The following DNER variants were observed in gnomAD, a reference collection of about 807,000 sequenced individuals.
DNER encodes delta/notch like EGF repeat containing.
A neutral mutation model predicts 78.2 loss-of-function variants in DNER; 33 were observed. The observed-to-expected ratio is 0.42, with a 90% CI of 0.32 to 0.56. DNER has a LOEUF of 0.56. Ranked by LOEUF, DNER falls within the 20% of genes least tolerant of loss-of-function variation. The probability of loss-of-function intolerance (pLI) is 0.11; values close to 1 mark genes in which losing one functional copy is unlikely to be tolerated. For missense variants in DNER, 918 were observed against 975.3 expected (o/e 0.94, Z 0.78); for synonymous variants, 417 against 384.8 (o/e 1.08, Z -0.98).
intron 6 of DNER, among the ~76,000 whole-genome samples, chr2:229,495,385 G>A (rs142056992): frequency 1.3e-5 from 2 of 152,302 alleles, no homozygotes; most frequent in East Asian, 1.9e-4. Context: ...CAGCAAGCTG[G>A]AGACTAAGGA....
At chr2:229,387,139 T>C (rs372725427) in intron 11 of DNER, among the ~76,000 whole-genome samples, 30 of 152,198 alleles carry the variant, frequency 2.0e-4, no homozygotes, top group African/African-American at 6.3e-4. Context: ...TGGAATACTA[T>C]GCAGCCATAA....
chr2:229,558,326 A>G (rs1696891706), intron 4 of DNER, among the ~76,000 whole-genome samples: 1 of 151,954 alleles, frequency 6.6e-6, no homozygotes, highest in South Asian at 2.1e-4. Flanking sequence ...ATAGACCCCC[A>G]TAACCCAAGT....
chr2:229,510,744 T>C (rs140103217), intron 6 of DNER, among the ~76,000 whole-genome samples: 1,806 of 152,248 alleles, frequency 0.012, 21 homozygotes, highest in Middle Eastern at 0.044. Context: ...AGATGCCATG[T>C]AGGCTGTCAA....
intron 7 of DNER, among the ~76,000 whole-genome samples, chr2:229,468,727 CT>C (rs1694858476): frequency 6.6e-6 from 1 of 152,200 alleles, no homozygotes; most frequent in Non-Finnish European, 1.5e-5. Flanking sequence ...TGCAATTCCC[CT>C]GTCTTGATAA....
intron 7 of DNER, among the ~76,000 whole-genome samples, chr2:229,469,212 T>A (rs941742802): frequency 6.6e-6 from 1 of 152,136 alleles, no homozygotes; most frequent in Admixed American, 6.5e-5. Flanking sequence ...CAGAGCCCCA[T>A]GAGGGACAGC....
chr2:229,510,642 G>C (rs1440989579), intron 6 of DNER, among the ~76,000 whole-genome samples: 3 of 152,196 alleles, frequency 2.0e-5, no homozygotes, highest in Admixed American at 2.0e-4. Context: ...GAAATGGATG[G>C]AACGCTGGAA....
At chr2:229,444,463 G>C (rs1248599926) in intron 8 of DNER, among the ~76,000 whole-genome samples, 1 of 152,214 alleles carries the variant, frequency 6.6e-6, no homozygotes, top group Non-Finnish European at 1.5e-5. Context: ...AATGTGGAAA[G>C]AGAAACATCA....
intron 1 of DNER, among the ~76,000 whole-genome samples, chr2:229,690,760 T>G (rs546406353): frequency 6.6e-6 from 1 of 152,254 alleles, no homozygotes; most frequent in Admixed American, 6.5e-5. Flanking sequence ...AAAAAGTAAG[T>G]TACAAAGGAG....
chr2:229,606,135 AC>A (rs1697932317), intron 1 of DNER: 1 of 152,222 alleles, frequency 6.6e-6, no homozygotes, highest in Admixed American at 6.5e-5. Context: ...AAAATTCACA[AC>A]CAGAGAACTT....
intron 4 of DNER, among the ~76,000 whole-genome samples, chr2:229,553,912 A>G (rs116378380): frequency 0.021 from 3,229 of 152,326 alleles, 108 homozygotes; most frequent in African/African-American, 0.065. Context: ...TAGCCAGCCC[A>G]GAATGTAAAT....
intron 6 of DNER, among the ~76,000 whole-genome samples, chr2:229,489,297 T>A (rs1304862022): frequency 6.6e-6 from 1 of 152,052 alleles, no homozygotes; most frequent in Non-Finnish European, 1.5e-5. Context: ...AGAGTCATCA[T>A]AAATAAAGGA....
intron 5 of DNER, among the ~76,000 whole-genome samples, chr2:229,545,901 C>G (rs1021566361): frequency 6.6e-6 from 1 of 152,170 alleles, no homozygotes; most frequent in Non-Finnish European, 1.5e-5. Context: ...CAGGGAAATG[C>G]GAAGACTAAG....
At chr2:229,628,691 T>G (rs546972751) in intron 1 of DNER, among the ~76,000 whole-genome samples, 107 of 152,272 alleles carry the variant, frequency 7.0e-4, no homozygotes, top group African/African-American at 2.4e-3. Flanking sequence ...AGAGAGGACC[T>G]GCAATCCTCA....
chr2:229,595,744 C>A (rs190989494), intron 1 of DNER, among the ~76,000 whole-genome samples: 1 of 152,174 alleles, frequency 6.6e-6, no homozygotes, highest in Admixed American at 6.5e-5. Flanking sequence ...GCCTTTGCAC[C>A]GGCAGTACCC....
At chr2:229,436,837 A>C (rs531256854) in intron 8 of DNER, among the ~76,000 whole-genome samples, 2 of 152,332 alleles carry the variant, frequency 1.3e-5, no homozygotes, top group South Asian at 2.1e-4. Flanking sequence ...CGGCCACTAC[A>C]AAAACACACT....
intron 1 of DNER, among the ~76,000 whole-genome samples, chr2:229,662,199 G>A (rs1699020352): frequency 6.6e-6 from 1 of 152,104 alleles, no homozygotes; most frequent in Non-Finnish European, 1.5e-5. Context: ...AGGCGAACTG[G>A]GACAGAACTT....
In DNER at chr2:229,379,400, C is replaced by T. The variant is rs980955663; in HGVS notation, c.1855+8865G>A. Among the ~76,000 whole-genome samples, 5 of 152,076 alleles carry T rather than the reference C, an allele frequency of 3.3e-5. No individual in the cohort carries two copies. In the East Asian group the frequency reaches 9.7e-4, roughly 29 times the overall value. Reference sequence around the variant, plus strand: ...GCTCCCAGAGGTAAATTTGTTTTTCCAGGTTACATAGTTAGAATATGATGG... The same window carrying T: ...GCTCCCAGAGGTAAATTTGTTTTTCTAGGTTACATAGTTAGAATATGATGG... On this transcript the variant is annotated intron_variant, in intron 11 of 12. Transcript: ENST00000341772.
At chr2:229,620,262 A>G (rs1698231405) in intron 1 of DNER, among the ~76,000 whole-genome samples, 1 of 152,248 alleles carries the variant, frequency 6.6e-6, no homozygotes, top group African/African-American at 2.4e-5. Context: ...AAATTCAGAA[A>G]GCAATTAAGG....
At chr2:229,421,851 A>G (rs1189749007) in intron 8 of DNER, among the ~76,000 whole-genome samples, 1 of 152,162 alleles carries the variant, frequency 6.6e-6, no homozygotes, top group African/African-American at 2.4e-5. Context: ...AGGGTAATAT[A>G]TAACCATAAC....
Sources: gnomAD v4.1 joint callset for allele counts (sites outside exome capture counted in the v4.1 genomes callset) on GRCh38, gnomAD v4.1.1 for gene constraint, MANE v1.5 for transcripts, NCBI Gene and HGNC (gene_info 2026-07-23, HGNC 2026-07-21) for gene names.